Variants in GNAO1 observed in about 807,000 individuals in gnomAD.
GNAO1 encodes the protein G protein subunit alpha o1.
For missense variants in GNAO1, 166 were observed against 478.7 expected (o/e 0.35, Z 6.10); for synonymous variants, 164 against 180.7 (o/e 0.91, Z 0.74).
chr16:56,242,467 T>G (rs1314563608), intron 2 of GNAO1, among the ~76,000 whole-genome samples: 1 of 152,128 alleles, frequency 6.6e-6, no homozygotes, highest in African/African-American at 2.4e-5. Flanking sequence ...AGCAAAAGAA[T>G]AGGCATCTAG....
Position 56,349,098 on chromosome 16 carries a change from G to A in GNAO1, c.724-2286G>A, listed in dbSNP as rs145502823. On this transcript the variant is annotated intron_variant, in intron 6 of 8. Coordinates refer to ENST00000262493, the MANE Select transcript of GNAO1 (RefSeq NM_020988.3). ...TGTGAGTCGTGCTCTGTGGCCCTGA[G>A]ATGTAGGGGCTGTGGCGGGGGCTCA... Among the ~76,000 whole-genome samples the A allele has an allele frequency of 6.7e-3, 1,024 of 152,340 alleles. 6 individuals are homozygous for A. Among genetic ancestry groups the A allele is most frequent in the Middle Eastern group, 0.01 (3 of 294 alleles).
At chr16:56,279,313 T>C (rs2143529417) in intron 3 of GNAO1, among the ~76,000 whole-genome samples, 1 of 152,282 alleles carries the variant, frequency 6.6e-6, no homozygotes, top group African/African-American at 2.4e-5. Context: ...TCAGCCTCTC[T>C]GGTGTGGAGT....
rs182150199 is a variant in GNAO1 at position 56,322,481 on chromosome 16, G to T, written c.304-6150G>T. Among the ~76,000 whole-genome samples, 1,402 of 152,316 alleles carry T rather than the reference G, an allele frequency of 9.2e-3. 37 individuals carry two copies. The highest frequency in any genetic ancestry group is 0.01 in the Middle Eastern group (3 of 294). Reference sequence around the variant, plus strand: ...CCCCTAAAAGCAGGCAGACAAAGGAGCAGGGTCTCCCCTGGCTCTAGTAAT... The same window carrying T: ...CCCCTAAAAGCAGGCAGACAAAGGATCAGGGTCTCCCCTGGCTCTAGTAAT... On this transcript the variant is annotated intron_variant, in intron 3 of 8. Transcript: ENST00000262493.
At chr16:56,313,036 G>A (rs2037475397) in intron 3 of GNAO1, among the ~76,000 whole-genome samples, 1 of 152,150 alleles carries the variant, frequency 6.6e-6, no homozygotes, top group Non-Finnish European at 1.5e-5. Flanking sequence ...ATCCTATTCT[G>A]CTCTCATTGT....
intron 6 of GNAO1, chr16:56,340,914 T>C: frequency 1.2e-6 from 2 of 1,613,806 alleles, no homozygotes; most frequent in South Asian, 2.2e-5. Flanking sequence ...TCATCCTGTT[T>C]CTTAACAAGA....
At chr16:56,281,287 A>C (rs1225832376) in intron 3 of GNAO1, among the ~76,000 whole-genome samples, 1 of 152,110 alleles carries the variant, frequency 6.6e-6, no homozygotes, top group Non-Finnish European at 1.5e-5. Flanking sequence ...AAGTCTCTCT[A>C]AGAATATGAA....
At chr16:56,283,748 C>T (rs1378200789) in intron 3 of GNAO1, among the ~76,000 whole-genome samples, 1 of 152,158 alleles carries the variant, frequency 6.6e-6, no homozygotes, top group East Asian at 1.9e-4. Context: ...ATAGCCCAAA[C>T]ACGAGGCCAG....
intron 6 of GNAO1, among the ~76,000 whole-genome samples, chr16:56,340,125 T>G (rs951948066): frequency 6.6e-6 from 1 of 152,186 alleles, no homozygotes; most frequent in Admixed American, 6.5e-5. Context: ...TTTTTCTCTC[T>G]TTCTCTTGTT....
intron 3 of GNAO1, among the ~76,000 whole-genome samples, chr16:56,318,192 G>A (rs1402665317): frequency 6.6e-6 from 1 of 152,240 alleles, no homozygotes; most frequent in Non-Finnish European, 1.5e-5. Flanking sequence ...CAGAGAGGGA[G>A]GGGCGGGGGG....
intron 2 of GNAO1, among the ~76,000 whole-genome samples, chr16:56,214,604 A>G (rs184038835): frequency 6.6e-6 from 1 of 152,348 alleles, no homozygotes; most frequent in East Asian, 1.9e-4. Context: ...GGGTGGCACA[A>G]AAATCCTATC....
Position 56,346,473 on chromosome 16 carries a change from T to G in GNAO1, c.724-4911T>G, listed in dbSNP as rs3811362. ...ATGAAAATTGTGCCTGCCACTTTCA[T>G]GCCTATGGGCCAGTTTTGTGACCTG... is the stretch of plus-strand genomic sequence containing the variant. On this transcript the variant is annotated intron_variant, in intron 6 of 8. Transcript: ENST00000262493. 2,729 of 985,272 alleles carry G rather than the reference T, an allele frequency of 2.8e-3. 125 individuals are homozygous for G. In the South Asian group the frequency reaches 0.096, roughly 35 times the overall value. The allele number at this position is 985,272 out of a possible 1,614,324, so 61.0% of individuals were successfully genotyped here.
At chr16:56,350,173 G>A (rs2037907922) in intron 6 of GNAO1, among the ~76,000 whole-genome samples, 1 of 152,146 alleles carries the variant, frequency 6.6e-6, no homozygotes, top group South Asian at 2.1e-4. Context: ...ACCCCTGGGG[G>A]AGGAGGTCAT....
intron 2 of GNAO1, among the ~76,000 whole-genome samples, chr16:56,234,592 C>T (rs1367023387): frequency 1.3e-5 from 2 of 152,246 alleles, no homozygotes; most frequent in South Asian, 2.1e-4. Context: ...ACAGCTGACC[C>T]AGCTTCCCAG....
chr16:56,217,807 C>T (rs1431322961), intron 2 of GNAO1, among the ~76,000 whole-genome samples: 8 of 152,122 alleles, frequency 5.3e-5, no homozygotes, highest in South Asian at 2.1e-4. Context: ...TCCTAAAGCC[C>T]CATATTGCAC....
rs149567340 is a variant in GNAO1 at position 56,355,340 on chromosome 16, CGTGT to C, written c.*28+268_*28+271del. 581 of 154,138 alleles carry C rather than the reference CGTGT, an allele frequency of 3.8e-3. 23 individuals are homozygous for C. The South Asian group carries it at 0.077, about 21-fold the overall frequency. 9.5% of individuals were successfully genotyped at this position (154,138 alleles called of 1,614,324 possible). A position where few individuals can be genotyped will look rare whatever the true frequency, so the allele number is the denominator to read the frequency against. On this transcript the variant is annotated intron_variant, in intron 8 of 8. Coordinates refer to ENST00000262493, the MANE Select transcript of GNAO1 (RefSeq NM_020988.3). ...TCCTGGGACGGCACGTGAGCATGCA[CGTGT>C]GTGTGTGTACACACACTCACACATG...
At chr16:56,345,076 G>A in intron 6 of GNAO1, 1 of 985,510 alleles carries the variant, frequency 1.0e-6, no homozygotes, top group Non-Finnish European at 1.2e-6. Flanking sequence ...AACTCTAAAG[G>A]GAGAGTCCTA....
At chr16:56,230,853 C>G (rs1304574245) in intron 2 of GNAO1, among the ~76,000 whole-genome samples, 1 of 152,184 alleles carries the variant, frequency 6.6e-6, no homozygotes, top group African/African-American at 2.4e-5. Flanking sequence ...GACCATCCAG[C>G]CCTTGCATTT....
chr16:56,212,315 A>G (rs1158227644), intron 2 of GNAO1, among the ~76,000 whole-genome samples: 2 of 152,150 alleles, frequency 1.3e-5, no homozygotes, highest in Non-Finnish European at 2.9e-5. Flanking sequence ...TTATTGCTTC[A>G]TGCTAAAAAT....
At chr16:56,347,758 C>T in intron 6 of GNAO1, 5 of 812,846 alleles carry the variant, frequency 6.2e-6, no homozygotes, top group Non-Finnish European at 7.4e-6. Flanking sequence ...CCTCCCCTTC[C>T]CTCCCCACCC....
Sources: allele counts gnomAD v4.1 joint callset (sites outside exome capture counted in the v4.1 genomes callset), GRCh38; gene constraint gnomAD v4.1.1; transcripts MANE v1.5; gene names NCBI Gene and HGNC (gene_info 2026-07-23, HGNC 2026-07-21).